Variants in CARHSP1 observed in about 807,000 individuals in gnomAD.
CARHSP1 encodes the protein calcium-regulated heat-stable protein 1.
In CARHSP1, 14 loss-of-function variants were observed where a neutral mutation model predicts 12.5. The observed-to-expected ratio is 1.12, with a 90% CI of 0.74 to 1.75. The LOEUF is 1.75. CARHSP1 is among the 40% of genes most tolerant of loss of function. The pLI, the probability that CARHSP1 is intolerant of heterozygous loss-of-function variation, is 0.00. For synonymous variants in CARHSP1, 161 were observed against 82.0 expected (o/e 1.96, Z -5.20); for missense variants, 343 against 201.6 (o/e 1.70, Z -4.25).
rs1201732901 is a variant in CARHSP1 at position 8,854,865 on chromosome 16, T to G, written c.*299A>C. On this transcript the variant is annotated 3_prime_UTR_variant, in exon 4 of 4. Transcript: ENST00000311052. Reference sequence around the variant, plus strand: ...TGGAGAAATACCACCCTTGATCCACTCCCTGGGATGGGGTTGGAACCTCCA... The same window carrying G: ...TGGAGAAATACCACCCTTGATCCACGCCCTGGGATGGGGTTGGAACCTCCA... 1 of 250,906 alleles carries G rather than the reference T, an allele frequency of 4.0e-6. No individual in the cohort carries two copies. Among genetic ancestry groups the G allele is most frequent in the African/African-American group, 2.2e-5 (1 of 44,958 alleles). 15.5% of individuals were successfully genotyped at this position (250,906 alleles called of 1,614,324 possible).
At chr16:8,866,111 AC>A (rs1414621448) in intron 1 of CARHSP1, among the ~76,000 whole-genome samples, 1 of 151,972 alleles carries the variant, frequency 6.6e-6, no homozygotes, top group Admixed American at 6.6e-5. Flanking sequence ...GTGCTACCAC[AC>A]CCAGCTAATT....
chr16:8,862,805 G>A (rs2061389462), intron 1 of CARHSP1, among the ~76,000 whole-genome samples: 7 of 152,150 alleles, frequency 4.6e-5, no homozygotes, highest in Admixed American at 4.6e-4. Flanking sequence ...CAGGAATCAT[G>A]CCGCGTCATC....
intron 3 of CARHSP1, among the ~76,000 whole-genome samples, chr16:8,856,735 T>C (rs1382141968): frequency 6.6e-6 from 1 of 152,188 alleles, no homozygotes; most frequent in East Asian, 1.9e-4. Flanking sequence ...TGTCTGCCCC[T>C]GCCTGAAGTA....
intron 1 of CARHSP1, among the ~76,000 whole-genome samples, chr16:8,864,587 C>G (rs945868722): frequency 2.6e-5 from 4 of 152,210 alleles, no homozygotes; most frequent in African/African-American, 9.7e-5. Context: ...CGGAGTAAGT[C>G]AGACAGCAGA....
chr16:8,857,263 G>GTTTTTGTTTTTTGTTTTTTTTTTT (rs2061150279), intron 3 of CARHSP1, among the ~76,000 whole-genome samples: 1 of 57,006 alleles, frequency 1.8e-5, no homozygotes, highest in East Asian at 8.8e-4. Context: ...GGGCAGATCT[G>GTTTTTGTTTTTTGTTTTTTTTTTT]TTTTTTTTTT....
At chr16:8,858,145 C>A in intron 3 of CARHSP1, 2 of 618,880 alleles carry the variant, frequency 3.2e-6, no homozygotes, top group African/African-American at 1.8e-5. Flanking sequence ...CTCACATCCC[C>A]CAACACAGCT....
chr16:8,855,216 A>G lies in CARHSP1; in HGVS notation c.392T>C (p.Leu131Pro), dbSNP rs1389536835. The change falls in exon 4 of 4, where the codon CTG becomes CCG. Residue 131 changes from leucine to proline, a missense_variant. By Grantham distance (98) the Leu-to-Pro change is moderately conservative (BLOSUM62 -3). Transcript: ENST00000311052. ...GGTCTCATGCTTGGTGCCTGGTGCC[A>G]GGTGAGTGATGACGACCTCCACGGC... ...LQAVEVVITH[L>P]APGTKHETWS... 4 of 1,613,038 alleles carry G rather than the reference A, an allele frequency of 2.5e-6. No homozygotes were observed. The highest frequency in any genetic ancestry group is 1.7e-4 in the Middle Eastern group (1 of 6,054).
intron 2 of CARHSP1, 49 bp downstream of exon 2, chr16:8,859,122 A>G: frequency 1.3e-6 from 2 of 1,505,528 alleles, no homozygotes; most frequent in Non-Finnish European, 1.8e-6. Flanking sequence ...CTCTGGCCTC[A>G]GGCAAGAGAT....
chr16:8,865,570 T>C (rs991025203), intron 1 of CARHSP1, among the ~76,000 whole-genome samples: 1 of 152,226 alleles, frequency 6.6e-6, no homozygotes, highest in Non-Finnish European at 1.5e-5. Flanking sequence ...CATGGGATGC[T>C]GGCTGGGGAA....
At chr16:8,860,621 G>A (rs1453372909) in intron 1 of CARHSP1, 1 of 477,716 alleles carries the variant, frequency 2.1e-6, no homozygotes, top group Non-Finnish European at 2.7e-6. Flanking sequence ...CCTGCGCAGG[G>A]CTGGTGATGG....
chr16:8,854,519 T>G lies in CARHSP1; in HGVS notation c.*645A>C, dbSNP rs1456187417. 1.3e-5 allele frequency: 2 copies of G among 152,698 alleles called. No individual in the cohort carries two copies. The highest frequency in any genetic ancestry group is 2.9e-5 in the Non-Finnish European group (2 of 68,090). The allele number at this position is 152,698 out of a possible 1,614,324, so 9.5% of individuals were successfully genotyped here. A position where few individuals can be genotyped will look rare whatever the true frequency, so the allele number is the denominator to read the frequency against. Reference sequence around the variant, plus strand: ...CCAGGGGTGGGAGTGCTGGGAGAACTGTCTTCCCCAGACAGGCAGCTATGC... The same window carrying G: ...CCAGGGGTGGGAGTGCTGGGAGAACGGTCTTCCCCAGACAGGCAGCTATGC... On this transcript the variant is annotated 3_prime_UTR_variant, in exon 4 of 4. Transcript: ENST00000311052.
Position 8,859,459 on chromosome 16 carries a change from T to C in CARHSP1, c.-7-124A>G, listed in dbSNP as rs146547878. ...ATTCCTCTCGGGCACCTCAGCACCA[T>C]TGTCACCTTGTCTGGGAGCACGCCT... On this transcript the variant is annotated intron_variant, in intron 1 of 3. Transcript: ENST00000311052. 9.3e-3 allele frequency: 7,834 copies of C among 838,674 alleles called. 52 individuals carry two copies. The highest frequency in any genetic ancestry group is 0.012 in the Non-Finnish European group (6,927 of 559,562). 52.0% of individuals were successfully genotyped at this position (838,674 alleles called of 1,614,324 possible). A position where few individuals can be genotyped will look rare whatever the true frequency, so the allele number is the denominator to read the frequency against.
At chr16:8,855,458 C>G (rs2061069075) in intron 3 of CARHSP1, 132 bp from the exon 4 acceptor site, 1 of 725,786 alleles carries the variant, frequency 1.4e-6, no homozygotes, top group Non-Finnish European at 2.0e-6. Flanking sequence ...GAACCTCTTT[C>G]CAAAGAACTG....
chr16:8,858,727 A>C lies in CARHSP1; in HGVS notation c.159-255T>G, dbSNP rs2061238846. 1.4e-5 allele frequency: 7 copies of C among 503,162 alleles called. No individual in the cohort carries two copies. The South Asian group carries it at 1.7e-4, about 13-fold the overall frequency. 31.2% of individuals were successfully genotyped at this position (503,162 alleles called of 1,614,324 possible). A position where few individuals can be genotyped will look rare whatever the true frequency, so the allele number is the denominator to read the frequency against. On this transcript the variant is annotated intron_variant, in intron 2 of 3. Transcript: ENST00000311052. ...TCCTGGAAAGAGGGAGTTGAACTAAAACATCACTGAACATCCCTCCAGAAA... is the reference window on the plus strand; with the variant it reads ...TCCTGGAAAGAGGGAGTTGAACTAACACATCACTGAACATCCCTCCAGAAA...
At chr16:8,866,279 G>A (rs2061453364) in intron 1 of CARHSP1, 1 of 233,430 alleles carries the variant, frequency 4.3e-6, no homozygotes, top group East Asian at 1.8e-4. Flanking sequence ...CGCTCCCAGT[G>A]AGGCAGCTGT....
chr16:8,863,137 T>TTC (rs1555457603), intron 1 of CARHSP1, among the ~76,000 whole-genome samples: 24 of 126,362 alleles, frequency 1.9e-4, no homozygotes, highest in Non-Finnish European at 3.2e-4. Context: ...TTTTTTTTTT[T>TTC]CAGATAGGAT....
intron 1 of CARHSP1, among the ~76,000 whole-genome samples, chr16:8,863,686 C>G (rs1479113345): frequency 6.6e-6 from 1 of 152,166 alleles, no homozygotes; most frequent in African/African-American, 2.4e-5. Flanking sequence ...GCCACTCACT[C>G]CCCAGTAGGC....
At chr16:8,864,299 G>A (rs1223308324) in intron 1 of CARHSP1, among the ~76,000 whole-genome samples, 1 of 151,564 alleles carries the variant, frequency 6.6e-6, no homozygotes, top group Non-Finnish European at 1.5e-5. Context: ...CATGGAGCGG[G>A]GAGCCTCACC....
intron 1 of CARHSP1, among the ~76,000 whole-genome samples, chr16:8,864,888 G>A (rs565724911): frequency 1.3e-5 from 2 of 152,182 alleles, no homozygotes; most frequent in Admixed American, 1.3e-4. Context: ...CAAGACTCTG[G>A]CTTTCCCAGC....
Sources: allele counts gnomAD v4.1 joint callset (sites outside exome capture counted in the v4.1 genomes callset), GRCh38; gene constraint gnomAD v4.1.1; transcripts MANE v1.5; gene names NCBI Gene and HGNC (gene_info 2026-07-23, HGNC 2026-07-21).